Variants in DUSP10 observed in about 807,000 individuals in gnomAD.
DUSP10 encodes the protein dual specificity phosphatase 10, also known as dual specificity protein phosphatase 10.
In DUSP10, 14 loss-of-function variants were observed where a neutral mutation model predicts 30.8. The ratio of observed to expected loss-of-function variants is 0.46; its 90% CI spans 0.30 to 0.71. The LOEUF is 0.71. Ranked by LOEUF, DUSP10 falls within the 30% of genes least tolerant of loss-of-function variation. The pLI is 0.08. For missense variants in DUSP10, 550 were observed against 619.4 expected (o/e 0.89, Z 1.19); for synonymous variants, 254 against 250.4 (o/e 1.01, Z -0.14).
chr1:221,734,182 G>A (rs142641236), intron 2 of DUSP10, among the ~76,000 whole-genome samples: 189 of 152,284 alleles, frequency 1.2e-3, no homozygotes, highest in African/African-American at 4.5e-3. Flanking sequence ...GCAACAAAAA[G>A]CAAAGCTAAA....
intron 2 of DUSP10, among the ~76,000 whole-genome samples, chr1:221,721,185 T>C (rs11118837): frequency 0.066 from 10,039 of 152,300 alleles, 1,074 homozygotes; most frequent in African/African-American, 0.22. Context: ...AGCATCTGAA[T>C]TGTATATAGT....
intron 2 of DUSP10, among the ~76,000 whole-genome samples, chr1:221,717,755 C>T (rs770287716): frequency 6.6e-6 from 1 of 152,136 alleles, no homozygotes; most frequent in Non-Finnish European, 1.5e-5. Context: ...GAGGGCACAG[C>T]AAGAAGACAG....
chr1:221,704,924 T>C (rs1330803722), intron 3 of DUSP10, among the ~76,000 whole-genome samples: 2 of 152,174 alleles, frequency 1.3e-5, no homozygotes, highest in Non-Finnish European at 2.9e-5. Flanking sequence ...AGGCTGTTTT[T>C]TTCTTTCTCT....
chr1:221,731,355 G>C lies in DUSP10; in HGVS notation c.811+7579C>G, dbSNP rs1054090453. 5.3e-5 allele frequency among the ~76,000 whole-genome samples: 8 copies of C among 151,984 alleles called. No homozygotes were observed. In the East Asian group the frequency reaches 1.2e-3, roughly 22 times the overall value. ...GCTTAGCACATCCTCTTTCCATAGAGAGCATGCAGTGAAAATAAACGAAGC... is the reference window on the plus strand; with the variant it reads ...GCTTAGCACATCCTCTTTCCATAGACAGCATGCAGTGAAAATAAACGAAGC... On this transcript the variant is annotated intron_variant, in intron 2 of 3. Coordinates refer to ENST00000366899, the MANE Select transcript of DUSP10 (RefSeq NM_007207.6).
At chr1:221,734,089 G>A (rs929496242) in intron 2 of DUSP10, among the ~76,000 whole-genome samples, 2 of 151,934 alleles carry the variant, frequency 1.3e-5, no homozygotes, top group South Asian at 2.1e-4. Flanking sequence ...AGGAACCAGC[G>A]CACCCCTCCT....
intron 2 of DUSP10, among the ~76,000 whole-genome samples, chr1:221,713,133 C>T (rs1184513963): frequency 6.6e-6 from 1 of 152,172 alleles, no homozygotes; most frequent in African/African-American, 2.4e-5. Flanking sequence ...GGTACAGTTG[C>T]TTCAGAGCAG....
In DUSP10 at chr1:221,739,413, G is replaced by T. The variant is rs970955138; in HGVS notation, c.332C>A (p.Thr111Asn). Residue 111 changes from threonine to asparagine, a missense_variant, in exon 2 of 4, where the codon ACC becomes AAC. Transcript: ENST00000366899. The part of the protein sequence containing the change: ...TTTTAIGTST[T>N]CPANQMVNNN... ...GTTGACCATCTGGTTAGCAGGGCAG[G>T]TGGTAGAGGTTCCGATGGCAGTGGT... The T allele has an allele frequency of 1.9e-6, 3 of 1,614,238 alleles. No homozygotes were observed. Among genetic ancestry groups the T allele is most frequent in the Non-Finnish European group, 2.5e-6 (3 of 1,180,044 alleles).
rs746847045 is a variant in DUSP10, at chr1:221,706,332, C to T, written c.946G>A (p.Asp316Asn). Residue 316 changes from aspartate to asparagine, a missense_variant, in exon 3 of 4, where the codon GAC becomes AAC. Coordinates refer to ENST00000366899, the MANE Select transcript of DUSP10 (RefSeq NM_007207.6). The surrounding 1 kb of genome is among the most constrained non-coding windows in gnomAD (Gnocchi z 4.6). ...LLPQPIPTTP[D>N]IENAELTPIL... ...GGGGTGAGCTCAGCGTTCTCGATGT[C>T]AGGGGTGGTGGGGATGGGCTGAGGT... The T allele has an allele frequency of 6.2e-7, 1 of 1,612,626 alleles. No individual in the cohort carries two copies. The highest frequency in any genetic ancestry group is 8.5e-7 in the Non-Finnish European group (1 of 1,178,808).
chr1:221,706,059 G>A lies in DUSP10; in HGVS notation c.1183+36C>T, dbSNP rs1571806489. Reference sequence around the variant, plus strand: ...AAGCAAGAGCTGGAGGGAAAAGGAAGGCAGCGGATGAAAATTCCCTATGGG... The same window carrying A: ...AAGCAAGAGCTGGAGGGAAAAGGAAAGCAGCGGATGAAAATTCCCTATGGG... On this transcript the variant is annotated intron_variant, in intron 3 of 3. Coordinates refer to ENST00000366899, the MANE Select transcript of DUSP10 (RefSeq NM_007207.6). The surrounding 1 kb of genome is among the most constrained non-coding windows in gnomAD (Gnocchi z 4.6). 2 of 1,586,530 alleles carry A rather than the reference G, an allele frequency of 1.3e-6. No homozygotes were observed. Among genetic ancestry groups the A allele is most frequent in the Non-Finnish European group, 1.7e-6 (2 of 1,163,968 alleles).
At chr1:221,712,871 A>G (rs1660982500) in intron 2 of DUSP10, among the ~76,000 whole-genome samples, 1 of 151,302 alleles carries the variant, frequency 6.6e-6, no homozygotes, top group African/African-American at 2.4e-5. Flanking sequence ...AAGTTATTGA[A>G]GTATTCTGGG....
chr1:221,732,734 AC>A (rs1350913841), intron 2 of DUSP10, among the ~76,000 whole-genome samples: 5 of 152,178 alleles, frequency 3.3e-5, no homozygotes, highest in Admixed American at 6.5e-5. Flanking sequence ...TGGTTCTCAA[AC>A]TTTGCTGCCT....
intron 2 of DUSP10, among the ~76,000 whole-genome samples, chr1:221,734,459 C>T (rs1661705279): frequency 6.6e-6 from 1 of 152,226 alleles, no homozygotes; most frequent in Admixed American, 6.5e-5. Flanking sequence ...TGCCTTTGTA[C>T]TGGCACTATC....
intron 2 of DUSP10, among the ~76,000 whole-genome samples, chr1:221,737,643 T>C (rs1398514986): frequency 6.6e-6 from 1 of 152,172 alleles, no homozygotes; most frequent in Non-Finnish European, 1.5e-5. Flanking sequence ...GAGATGTGCC[T>C]TTGTGGTAGT....
At chr1:221,721,695 G>A (rs1252238744) in intron 2 of DUSP10, among the ~76,000 whole-genome samples, 2 of 152,038 alleles carry the variant, frequency 1.3e-5, no homozygotes, top group African/African-American at 4.8e-5. Flanking sequence ...CCTACTTCTT[G>A]GACATTCTAT....
At chr1:221,737,043 G>A (rs1457559994) in intron 2 of DUSP10, 24 of 985,290 alleles carry the variant, frequency 2.4e-5, no homozygotes, top group Non-Finnish European at 2.9e-5. Flanking sequence ...CACAGGAAAG[G>A]GAGAGAGGAT....
chr1:221,710,791 T>A (rs1571810925), intron 2 of DUSP10, among the ~76,000 whole-genome samples: 1 of 152,192 alleles, frequency 6.6e-6, no homozygotes, highest in South Asian at 2.1e-4. Flanking sequence ...TTCCACAGAA[T>A]TGGATTTTGA....
At chr1:221,717,440 G>T (rs546860691) in intron 2 of DUSP10, among the ~76,000 whole-genome samples, 8 of 142,160 alleles carry the variant, frequency 5.6e-5, no homozygotes, top group South Asian at 4.8e-4. Flanking sequence ...AAGAAAAGAG[G>T]GGGGAGGGGA....
intron 1 of DUSP10, among the ~76,000 whole-genome samples, chr1:221,740,757 G>A (rs371496447): frequency 2.0e-5 from 3 of 152,158 alleles, no homozygotes; most frequent in East Asian, 1.9e-4. Flanking sequence ...TCCGTAAAGA[G>A]GACCTCCCAA....
Position 221,702,813 on chromosome 1 carries a change from T to C in DUSP10, c.1184-136A>G, listed in dbSNP as rs1571803603. ...ATTAAAACAGTTTTAAAGCCAAGTATAATCCACTAGTTCATTACGTATACT... is the reference window on the plus strand; with the variant it reads ...ATTAAAACAGTTTTAAAGCCAAGTACAATCCACTAGTTCATTACGTATACT... On this transcript the variant is annotated intron_variant, in intron 3 of 3. Coordinates refer to ENST00000366899, the MANE Select transcript of DUSP10 (RefSeq NM_007207.6). This position sits in a 1 kb window ranked among gnomAD's most constrained non-coding sequence, Gnocchi z 4.5. The C allele has an allele frequency of 1.1e-6, 1 of 897,120 alleles. No individual in the cohort carries two copies. Among genetic ancestry groups the C allele is most frequent in the East Asian group, 2.6e-5 (1 of 37,858 alleles). 55.6% of individuals were successfully genotyped at this position (897,120 alleles called of 1,614,324 possible).
Sources: allele counts gnomAD v4.1 joint callset (sites outside exome capture counted in the v4.1 genomes callset), GRCh38; gene constraint gnomAD v4.1.1; non-coding constraint Gnocchi (gnomAD v3.1); transcripts MANE v1.5; gene names NCBI Gene and HGNC (gene_info 2026-07-23, HGNC 2026-07-21).